Variants in ATP8A2 observed in about 807,000 individuals in gnomAD.
ATP8A2 encodes the protein ATPase phospholipid transporting 8A2, also known as phospholipid-transporting ATPase IB.
Under a neutral mutation model 165.6 loss-of-function variants are expected in ATP8A2, and 100 were observed. That is an observed-to-expected ratio of 0.60 (90% CI 0.51 to 0.71). The LOEUF (loss-of-function observed/expected upper bound fraction) is 0.71. Ranked by LOEUF, ATP8A2 falls within the 30% of genes least tolerant of loss-of-function variation. ATP8A2 has a pLI of 0.00. For missense variants in ATP8A2, 1,227 were observed against 1,479.5 expected, an observed-to-expected ratio of 0.83 and a Z score of 2.80; for synonymous variants, 543 against 548.8, an observed-to-expected ratio of 0.99 and a Z score of 0.15.
At chr13:25,934,912 G>T (rs775991394) in intron 33 of ATP8A2, among the ~76,000 whole-genome samples, 3 of 152,210 alleles carry the variant, frequency 2.0e-5, no homozygotes, top group Non-Finnish European at 4.4e-5. Context: ...AGGGCCAGGA[G>T]CTGGGTCCTG....
chr13:25,968,161 C>T (rs543338664), intron 34 of ATP8A2, among the ~76,000 whole-genome samples: 1 of 152,342 alleles, frequency 6.6e-6, no homozygotes, highest in Non-Finnish European at 1.5e-5. Context: ...TCTCTGACTG[C>T]AGTTGGGGTC....
chr13:25,580,245 C>T (rs535707388), intron 22 of ATP8A2, among the ~76,000 whole-genome samples: 1 of 152,194 alleles, frequency 6.6e-6, no homozygotes, highest in East Asian at 1.9e-4. Context: ...GATTAACTCA[C>T]GCTGTTGAGT....
At chr13:25,580,527 CT>C (rs948166618) in intron 22 of ATP8A2, among the ~76,000 whole-genome samples, 28 of 149,896 alleles carry the variant, frequency 1.9e-4, no homozygotes, top group Admixed American at 4.0e-4. Context: ...GTTTCTATAA[CT>C]TTTTTTTTTA....
intron 27 of ATP8A2, among the ~76,000 whole-genome samples, chr13:25,784,774 T>A (rs1214808945): frequency 6.6e-6 from 1 of 152,092 alleles, no homozygotes; most frequent in Non-Finnish European, 1.5e-5. Context: ...TCTTTTTTTT[T>A]CTTTTGTTTG....
At chr13:25,747,638 C>G (rs1458475842) in intron 25 of ATP8A2, among the ~76,000 whole-genome samples, 1 of 152,030 alleles carries the variant, frequency 6.6e-6, no homozygotes, top group Non-Finnish European at 1.5e-5. Context: ...CCTGGGGATA[C>G]AATGCGTGGG....
intron 2 of ATP8A2, among the ~76,000 whole-genome samples, chr13:25,492,191 G>C (rs1188783074): frequency 6.6e-6 from 1 of 152,058 alleles, no homozygotes; most frequent in Non-Finnish European, 1.5e-5. Flanking sequence ...CAAGTAACTG[G>C]GTTTACCGGC....
At chr13:25,643,102 T>A (rs890655087) in intron 24 of ATP8A2, among the ~76,000 whole-genome samples, 1 of 152,112 alleles carries the variant, frequency 6.6e-6, no homozygotes, top group African/African-American at 2.4e-5. Flanking sequence ...TTAGGAGATA[T>A]ACCTAATGTA....
At chr13:25,900,342 A>G (rs1953701298) in intron 33 of ATP8A2, among the ~76,000 whole-genome samples, 1 of 152,190 alleles carries the variant, frequency 6.6e-6, no homozygotes, top group Non-Finnish European at 1.5e-5. Flanking sequence ...CTGACATGAA[A>G]AGGTGCAGTG....
At chr13:25,606,310 A>G (rs1006625946) in intron 24 of ATP8A2, among the ~76,000 whole-genome samples, 2 of 152,204 alleles carry the variant, frequency 1.3e-5, no homozygotes, top group African/African-American at 4.8e-5. Flanking sequence ...GCTGTTGCTG[A>G]CACTGCTTCT....
At chr13:25,855,962 C>G (rs1952153508) in intron 30 of ATP8A2, among the ~76,000 whole-genome samples, 1 of 152,182 alleles carries the variant, frequency 6.6e-6, no homozygotes, top group African/African-American at 2.4e-5. Context: ...GCAAAACTGT[C>G]TATTCAGATC....
intron 2 of ATP8A2, among the ~76,000 whole-genome samples, chr13:25,473,154 G>T (rs1171965659): frequency 6.6e-6 from 1 of 152,128 alleles, no homozygotes; most frequent in Non-Finnish European, 1.5e-5. Context: ...CTGAATTCTG[G>T]CCAATTCCTT....
chr13:25,520,681 A>C (rs1337622831), intron 2 of ATP8A2, among the ~76,000 whole-genome samples: 2 of 150,580 alleles, frequency 1.3e-5, no homozygotes, highest in African/African-American at 4.9e-5. Context: ...GCTCATTGCA[A>C]GCTCCGCTTC....
At chr13:25,422,713 G>A (rs2034335810) in intron 1 of ATP8A2, among the ~76,000 whole-genome samples, 1 of 152,210 alleles carries the variant, frequency 6.6e-6, no homozygotes, top group Non-Finnish European at 1.5e-5. Context: ...AGTGAAAACT[G>A]TGGTGTATTC....
chr13:25,857,253 C>A (rs1202857751), intron 30 of ATP8A2, among the ~76,000 whole-genome samples: 1 of 152,168 alleles, frequency 6.6e-6, no homozygotes, highest in Non-Finnish European at 1.5e-5. Context: ...CTGTAGATCC[C>A]CATTTAACTC....
At position 25,559,706 on chromosome 13, in the gene ATP8A2, C is replaced by G; in HGVS notation, c.1353-15C>G. The G allele has an allele frequency of 6.2e-7, 1 of 1,611,044 alleles. No homozygotes were observed. Among genetic ancestry groups the G allele is most frequent in the Non-Finnish European group, 8.5e-7 (1 of 1,177,348 alleles). Reference sequence around the variant, plus strand: ...CACAGTTTTGTGACCACTCTGTTTTCCGTTTCTCTGGCAGTCACTTCCCAG... The same window carrying G: ...CACAGTTTTGTGACCACTCTGTTTTGCGTTTCTCTGGCAGTCACTTCCCAG... On this transcript the variant is annotated splice_polypyrimidine_tract_variant and intron_variant, in intron 14 of 36. Coordinates refer to ENST00000381655, the MANE Select transcript of ATP8A2 (RefSeq NM_016529.6).
At chr13:25,444,089 C>T (rs1379147453) in intron 1 of ATP8A2, among the ~76,000 whole-genome samples, 3 of 152,322 alleles carry the variant, frequency 2.0e-5, no homozygotes, top group Admixed American at 6.5e-5. Context: ...CTTGCTCCTT[C>T]CCAGACAATC....
At chr13:25,667,058 C>T (rs2042169188) in intron 24 of ATP8A2, among the ~76,000 whole-genome samples, 1 of 152,118 alleles carries the variant, frequency 6.6e-6, no homozygotes, top group Non-Finnish European at 1.5e-5. Context: ...TTAGTACATT[C>T]ATGTTTTGCA....
intron 24 of ATP8A2, among the ~76,000 whole-genome samples, chr13:25,684,295 C>T (rs1456659777): frequency 1.3e-5 from 2 of 152,204 alleles, no homozygotes; most frequent in Non-Finnish European, 2.9e-5. Context: ...CCTGCGTTTC[C>T]TTTATTCCTC....
At chr13:25,732,265 C>T (rs968732974) in intron 25 of ATP8A2, among the ~76,000 whole-genome samples, 25 of 152,148 alleles carry the variant, frequency 1.6e-4, no homozygotes, top group African/African-American at 2.7e-4. Flanking sequence ...TGAGCAGCCT[C>T]GCATGTTGGG....
Sources: allele counts gnomAD v4.1 joint callset (sites outside exome capture counted in the v4.1 genomes callset), GRCh38; gene constraint gnomAD v4.1.1; transcripts MANE v1.5; gene names NCBI Gene and HGNC (gene_info 2026-07-23, HGNC 2026-07-21).